The following MAGT1 variants were observed in gnomAD, a reference collection of about 807,000 sequenced individuals.
MAGT1 encodes dolichyl-diphosphooligosaccharide--protein glycosyltransferase subunit MAGT1.
Under a neutral mutation model 28.4 loss-of-function variants are expected in MAGT1, and 4 were observed. The ratio of observed to expected loss-of-function variants is 0.14; its 90% CI spans 0.07 to 0.32. The LOEUF (loss-of-function observed/expected upper bound fraction) is 0.32, where lower values mean the gene tolerates loss of function less well. Ranked by LOEUF, MAGT1 falls within the 10% of genes least tolerant of loss-of-function variation. The pLI is 1.00. For missense variants in MAGT1, 193 were observed against 264.5 expected, an observed-to-expected ratio of 0.73 and a Z score of 1.88; for synonymous variants, 89 against 89.7, an observed-to-expected ratio of 0.99 and a Z score of 0.04.
chrX:77,830,729 A>T, intron 9 of MAGT1, 76 bp downstream of exon 9: 2 of 485,341 alleles, frequency 4.1e-6, no homozygotes, highest in Non-Finnish European at 6.7e-6. Context: ...AAAAAGAAGG[A>T]TATTATAAAG....
Position 77,858,676 on chromosome X carries a change from A to G in MAGT1, c.391-1179T>C, listed in dbSNP as rs137951127. Among the ~76,000 whole-genome samples the G allele has an allele frequency of 2.4e-3, 273 of 111,648 alleles. 1 individual carries two copies. The South Asian group carries it at 0.034, about 14-fold the overall frequency. On this transcript the variant is annotated intron_variant, in intron 3 of 9. Transcript: ENST00000618282. ...TAATGTGGTAAATTAATGAATTAAT[A>G]GATTACTCCTTTGGTTACCAATGTC...
upstream of MAGT1, chrX:77,895,501 C>T (rs1557219862): frequency 1.7e-6 from 2 of 1,169,895 alleles, no homozygotes; most frequent in African/African-American, 1.8e-5. Flanking sequence ...CCTTGCCTTT[C>T]CTCATTGGTC....
At position 77,834,234 on chromosome X, in the gene MAGT1, GTA is replaced by G. The variant is rs782713753; in HGVS notation, c.902-3341_902-3340del. On this transcript the variant is annotated intron_variant, in intron 8 of 9. Transcript: ENST00000618282. ...CATGTGTGTATATATATGCATATAT[GTA>G]TATATATGCATATATATACATGTGT... 1.1e-3 allele frequency among the ~76,000 whole-genome samples: 89 copies of G among 80,538 alleles called. 1 individual carries two copies. Among genetic ancestry groups the G allele is most frequent in the African/African-American group, 1.7e-3 (43 of 24,823 alleles). 69.9% of individuals were successfully genotyped at this position (80,538 alleles called of 115,157 possible). A position where few individuals can be genotyped will look rare whatever the true frequency, so the allele number is the denominator to read the frequency against.
At position 77,868,143 on chromosome X, in the gene MAGT1, T is replaced by C. The variant is rs1049922551; in HGVS notation, c.390+2665A>G. ...AGAGAAAACAGTTTAATTTGGGATA[T>C]AATAAATTTTTAGATTGGGAAGTCA... On this transcript the variant is annotated intron_variant, in intron 3 of 9. Transcript: ENST00000618282. 12 of 67,308 alleles carry C rather than the reference T, an allele frequency of 1.8e-4. 1 individual carries two copies. Among genetic ancestry groups the C allele is most frequent in the Admixed American group, 4.0e-4 (2 of 4,989 alleles). 5.5% of individuals were successfully genotyped at this position (67,308 alleles called of 1,213,427 possible). A position where few individuals can be genotyped will look rare whatever the true frequency, so the allele number is the denominator to read the frequency against.
At chrX:77,842,146 A>T (rs2076936762) in intron 7 of MAGT1, among the ~76,000 whole-genome samples, 1 of 108,091 alleles carries the variant, frequency 9.3e-6, no homozygotes, top group African/African-American at 3.3e-5. Flanking sequence ...TAATCCTAAC[A>T]GTTTGGGAGG....
chrX:77,854,540 C>T (rs781990134), intron 6 of MAGT1, among the ~76,000 whole-genome samples: 2 of 110,455 alleles, frequency 1.8e-5, no homozygotes, highest in East Asian at 5.7e-4. Flanking sequence ...ATAGAGATGA[C>T]GTCTCACTAT....
chrX:77,833,495 A>C (rs1179379385), intron 8 of MAGT1, among the ~76,000 whole-genome samples: 1 of 112,243 alleles, frequency 8.9e-6, no homozygotes, highest in Non-Finnish European at 1.9e-5. Context: ...ATTTTGTGGC[A>C]GAGTTATCTC....
At chrX:77,856,048 G>A (rs1345507936) in intron 5 of MAGT1, among the ~76,000 whole-genome samples, 1 of 111,176 alleles carries the variant, frequency 9.0e-6, no homozygotes, top group Non-Finnish European at 1.9e-5. Flanking sequence ...GATTATAGGT[G>A]TGAGCCACTG....
At chrX:77,876,156 ATATATATATTTTTTTTT>A (rs1288690117) in intron 1 of MAGT1, among the ~76,000 whole-genome samples, 13 of 31,733 alleles carry the variant, frequency 4.1e-4, no homozygotes, top group African/African-American at 1.4e-3. Flanking sequence ...ATATATATAT[ATATATATATTTTTTTTT>A]TTTTTTTTTT....
chrX:77,857,532 C>A (rs782630285), intron 3 of MAGT1, 35 bp from the exon 4 acceptor site: 2 of 1,198,251 alleles, frequency 1.7e-6, no homozygotes, highest in Non-Finnish European at 2.3e-6. Context: ...TATACATTAT[C>A]AGGAAAATAA....
At chrX:77,851,748 C>G (rs1478310675) in intron 7 of MAGT1, among the ~76,000 whole-genome samples, 2 of 110,888 alleles carry the variant, frequency 1.8e-5, no homozygotes, top group Non-Finnish European at 3.8e-5. Flanking sequence ...AACTCCTGAC[C>G]TCAAATGATC....
chrX:77,876,164 A>ATATATTTT (rs1557217807), intron 1 of MAGT1, among the ~76,000 whole-genome samples: 1 of 24,973 alleles, frequency 4.0e-5, no homozygotes, highest in African/African-American at 1.5e-4. Flanking sequence ...ATATATATAT[A>ATATATTTT]TTTTTTTTTT....
At chrX:77,834,049 A>G (rs989480906) in intron 8 of MAGT1, among the ~76,000 whole-genome samples, 4 of 108,176 alleles carry the variant, frequency 3.7e-5, no homozygotes, top group Non-Finnish European at 7.6e-5. Context: ...TCTCTTCAAT[A>G]AAAGGTGCCA....
At chrX:77,862,864 T>C (rs946448711) in intron 3 of MAGT1, among the ~76,000 whole-genome samples, 12 of 111,391 alleles carry the variant, frequency 1.1e-4, no homozygotes, top group African/African-American at 3.6e-4. Context: ...GATGCAAGGA[T>C]ATGGAGAAAA....
chrX:77,883,262 A>G (rs996911665), intron 1 of MAGT1, among the ~76,000 whole-genome samples: 12 of 105,386 alleles, frequency 1.1e-4, no homozygotes, highest in Non-Finnish European at 1.9e-4. Context: ...TTGGGTGTAT[A>G]TCCAGTAATG....
intron 1 of MAGT1, among the ~76,000 whole-genome samples, chrX:77,887,848 C>T (rs2077071729): frequency 1.8e-5 from 2 of 112,366 alleles, no homozygotes; most frequent in Admixed American, 9.5e-5. Context: ...TGCTCTGCCA[C>T]CCAGGCTGGA....
intron 1 of MAGT1, among the ~76,000 whole-genome samples, chrX:77,885,827 A>C (rs1236302377): frequency 9.1e-6 from 1 of 110,329 alleles, no homozygotes; most frequent in African/African-American, 3.3e-5. Flanking sequence ...TAACATTACA[A>C]AAATTAGCTA....
intron 7 of MAGT1, among the ~76,000 whole-genome samples, chrX:77,848,145 C>T (rs2076957433): frequency 1.8e-5 from 2 of 112,152 alleles, no homozygotes; most frequent in South Asian, 3.7e-4. Context: ...TAAATTTTTA[C>T]TAACACTGCC....
chrX:77,852,375 A>C (rs1264892809), intron 7 of MAGT1, among the ~76,000 whole-genome samples: 1 of 112,177 alleles, frequency 8.9e-6, no homozygotes, highest in Non-Finnish European at 1.9e-5. Context: ...AAAATCAGTT[A>C]AAATCAAAAG....
Sources: gnomAD v4.1 joint callset for allele counts (sites outside exome capture counted in the v4.1 genomes callset) on GRCh38, gnomAD v4.1.1 for gene constraint, MANE v1.5 for transcripts, NCBI Gene and HGNC (gene_info 2026-07-23, HGNC 2026-07-21) for gene names.